The following LRIG1 variants were observed in gnomAD, a reference collection of about 807,000 sequenced individuals.
The protein encoded by LRIG1 is leucine rich repeats and immunoglobulin like domains 1, also known as leucine-rich repeats and immunoglobulin-like domains protein 1.
In LRIG1, 48 loss-of-function variants were observed where a neutral mutation model predicts 99.2. That is an observed-to-expected ratio of 0.48 (90% CI 0.38 to 0.62). The LOEUF (loss-of-function observed/expected upper bound fraction) is 0.62, where lower values mean the gene tolerates loss of function less well. Among genes scored for constraint, LRIG1 ranks in the 20% least tolerant of loss-of-function variants. LRIG1 has a pLI of 0.00. For synonymous variants in LRIG1, 772 were observed against 596.1 expected, an observed-to-expected ratio of 1.29 and a Z score of -4.30; for missense variants, 1,646 against 1,434.4, an observed-to-expected ratio of 1.15 and a Z score of -2.38.
intron 3 of LRIG1, among the ~76,000 whole-genome samples, chr3:66,445,069 C>A (rs1351389017): frequency 6.6e-6 from 1 of 152,020 alleles, no homozygotes; most frequent in African/African-American, 2.4e-5. Context: ...ACCCAAGGAA[C>A]AAAAGGCATT....
intron 2 of LRIG1, among the ~76,000 whole-genome samples, chr3:66,459,341 A>T (rs1700303803): frequency 6.6e-6 from 1 of 152,228 alleles, no homozygotes; most frequent in Admixed American, 6.5e-5. Flanking sequence ...AATGCTCACC[A>T]GAGCATGTAC....
intron 17 of LRIG1, 94 bp from the exon 18 acceptor site, chr3:66,380,955 T>G (rs1280180147): frequency 7.6e-7 from 1 of 1,311,372 alleles, no homozygotes; most frequent in South Asian, 1.3e-5. Flanking sequence ...CTGTGCAAGG[T>G]GAGAACCCTG....
At chr3:66,402,521 G>A (rs1702098093) in intron 9 of LRIG1, among the ~76,000 whole-genome samples, 1 of 152,216 alleles carries the variant, frequency 6.6e-6, no homozygotes. Context: ...CCCTTTCTTG[G>A]AAAACATTTT....
chr3:66,414,227 C>T (rs1340600062), intron 5 of LRIG1, among the ~76,000 whole-genome samples: 1 of 152,032 alleles, frequency 6.6e-6, no homozygotes, highest in East Asian at 1.9e-4. Flanking sequence ...GAAACCCCAT[C>T]TCTACTAAAA....
chr3:66,408,657 G>C (rs1314096701), intron 7 of LRIG1, among the ~76,000 whole-genome samples: 1 of 152,140 alleles, frequency 6.6e-6, no homozygotes. Context: ...GGACTTAAAA[G>C]ACCTCTCTTG....
chr3:66,413,110 G>T, intron 5 of LRIG1, 96 bp from the exon 6 acceptor site: 1 of 1,427,920 alleles, frequency 7.0e-7, no homozygotes, highest in South Asian at 1.2e-5. Flanking sequence ...CAAGCCAGAG[G>T]AGAAATCCCA....
At chr3:66,408,957 T>TGGGGGGGGGG (rs1288551507) in intron 7 of LRIG1, among the ~76,000 whole-genome samples, 2 of 66,728 alleles carry the variant, frequency 3.0e-5, no homozygotes, top group African/African-American at 1.2e-4. Context: ...TGTGTGTGTG[T>TGGGGGGGGGG]GTGTGGTGGG....
intron 3 of LRIG1, among the ~76,000 whole-genome samples, chr3:66,435,781 CTT>C (rs35275985): frequency 0.59 from 88,599 of 150,338 alleles, 29,401 homozygotes; most frequent in East Asian, 0.87. Flanking sequence ...CCCCATATTA[CTT>C]TTTTTTTTTT....
intron 1 of LRIG1, among the ~76,000 whole-genome samples, chr3:66,479,395 C>T (rs563456993): frequency 1.3e-5 from 2 of 152,236 alleles, no homozygotes; most frequent in South Asian, 4.1e-4. Context: ...TTTCCTGCCA[C>T]ATTTTCTTTT....
chr3:66,409,100 GAGA>G (rs1358947733), intron 7 of LRIG1, among the ~76,000 whole-genome samples: 1 of 152,058 alleles, frequency 6.6e-6, no homozygotes, highest in Admixed American at 6.6e-5. Context: ...GAGGTCAAGA[GAGA>G]GACAGGACAG....
chr3:66,426,924 G>A (rs959082607), intron 3 of LRIG1, among the ~76,000 whole-genome samples: 15 of 152,188 alleles, frequency 9.9e-5, no homozygotes, highest in Non-Finnish European at 1.5e-4. Context: ...GACTCTCACC[G>A]AAATGGCAAA....
intron 7 of LRIG1, among the ~76,000 whole-genome samples, chr3:66,408,641 C>T (rs1702359853): frequency 6.6e-6 from 1 of 152,126 alleles, no homozygotes; most frequent in Non-Finnish European, 1.5e-5. Context: ...CTGGCTCAGG[C>T]TTCGGGGACT....
Position 66,382,385 on chromosome 3 carries a change from C to T in LRIG1, c.2505G>A (p.Val835=). The change falls in exon 16 of 19, where the codon GTG becomes GTA. Residue 835 remains valine (V), a synonymous_variant. Coordinates refer to ENST00000273261, the MANE Select transcript of LRIG1 (RefSeq NM_015541.3). ...AGAGGTAGCTTGGAACATCTGGTGGCACGACGGTTTCATCTGCAAGGAGAC... is the reference window on the plus strand; with the variant it reads ...AGAGGTAGCTTGGAACATCTGGTGGTACGACGGTTTCATCTGCAAGGAGAC... ...YSVTNTDETV[V]PPDVPSYLSS... 6.2e-7 allele frequency: 1 copy of T among 1,614,206 alleles called. No individual in the cohort carries two copies. The highest frequency in any genetic ancestry group is 8.5e-7 in the Non-Finnish European group (1 of 1,180,028).
chr3:66,380,086 C>G lies in LRIG1; in HGVS notation c.*177G>C. The stretch of plus-strand genomic sequence containing the variant: ...AAATACTTTTTTTGCCTTTTGTACA[C>G]AAATCCCCTCTTGCGTTTACTGTGC... On this transcript the variant is annotated 3_prime_UTR_variant, in exon 19 of 19. Transcript: ENST00000273261. 1 of 551,254 alleles carries G rather than the reference C, an allele frequency of 1.8e-6. No individual in the cohort carries two copies. The highest frequency in any genetic ancestry group is 2.9e-5 in the South Asian group (1 of 34,046). The allele number at this position is 551,254 out of a possible 1,614,324, so 34.1% of individuals were successfully genotyped here.
At chr3:66,453,811 A>AT (rs1703984414) in intron 2 of LRIG1, among the ~76,000 whole-genome samples, 1 of 152,182 alleles carries the variant, frequency 6.6e-6, no homozygotes, top group Non-Finnish European at 1.5e-5. Context: ...ATCTCACTTG[A>AT]TTTTAAACCT....
At chr3:66,403,854 G>C (rs1702158963) in intron 9 of LRIG1, among the ~76,000 whole-genome samples, 1 of 152,194 alleles carries the variant, frequency 6.6e-6, no homozygotes, top group Non-Finnish European at 1.5e-5. Context: ...GGTCAGGGAG[G>C]CTTATGCTGA....
intron 3 of LRIG1, among the ~76,000 whole-genome samples, chr3:66,447,779 C>A (rs1575699706): frequency 1.3e-5 from 2 of 152,208 alleles, no homozygotes; most frequent in South Asian, 4.1e-4. Context: ...AGTACAAGTG[C>A]AGCAACACCA....
intron 2 of LRIG1, among the ~76,000 whole-genome samples, chr3:66,459,734 G>A (rs1049754218): frequency 2.6e-5 from 4 of 152,184 alleles, no homozygotes; most frequent in Non-Finnish European, 5.9e-5. Context: ...ATTGGGTAGG[G>A]AGGGGCACAA....
At chr3:66,449,246 T>C (rs753551445) in intron 3 of LRIG1, among the ~76,000 whole-genome samples, 1 of 152,190 alleles carries the variant, frequency 6.6e-6, no homozygotes, top group Non-Finnish European at 1.5e-5. Flanking sequence ...TTGCCAGCAC[T>C]GAATCCAGGC....
Sources: allele counts gnomAD v4.1 joint callset (sites outside exome capture counted in the v4.1 genomes callset), GRCh38; gene constraint gnomAD v4.1.1; transcripts MANE v1.5; gene names NCBI Gene and HGNC (gene_info 2026-07-23, HGNC 2026-07-21).